Variants in MAML2 observed in about 807,000 individuals in gnomAD.
The protein encoded by MAML2 is mastermind-like protein 2.
Under a neutral mutation model 96.1 loss-of-function variants are expected in MAML2, and 22 were observed. The ratio of observed to expected loss-of-function variants is 0.23; its 90% CI spans 0.16 to 0.33. The LOEUF (loss-of-function observed/expected upper bound fraction) is 0.33, where lower values mean the gene tolerates loss of function less well. Among genes scored for constraint, MAML2 ranks in the 10% least tolerant of loss-of-function variants. The pLI is 1.00. For missense variants in MAML2, 1,367 were observed against 1,392.4 expected, an observed-to-expected ratio of 0.98 and a Z score of 0.29; for synonymous variants, 561 against 521.3, an observed-to-expected ratio of 1.08 and a Z score of -1.04.
intron 1 of MAML2, among the ~76,000 whole-genome samples, chr11:96,159,822 A>T (rs1197527674): frequency 6.6e-6 from 1 of 152,134 alleles, no homozygotes; most frequent in Non-Finnish European, 1.5e-5. Context: ...AGGGCCTGGA[A>T]ATTTGCATTG....
In MAML2 at chr11:96,316,462, T is replaced by C. The variant is rs567726221; in HGVS notation, c.513+24921A>G. Among the ~76,000 whole-genome samples, 58 of 152,074 alleles carry C rather than the reference T, an allele frequency of 3.8e-4. No individual in the cohort carries two copies. In the South Asian group the frequency reaches 0.011, roughly 28 times the overall value. On this transcript the variant is annotated intron_variant, in intron 1 of 4. Transcript: ENST00000524717. The stretch of plus-strand genomic sequence containing the variant: ...CTTTAGGAGGGATGTTCAATAAGGC[T>C]ACCATTCATGTTGAGATCTAAAAAT...
chr11:96,085,551 A>G (rs1169689509), intron 2 of MAML2, among the ~76,000 whole-genome samples: 1 of 152,252 alleles, frequency 6.6e-6, no homozygotes, highest in Non-Finnish European at 1.5e-5. Context: ...TGCACATTAC[A>G]GTTAAATATC....
chr11:96,025,636 C>T (rs12801124), intron 2 of MAML2, among the ~76,000 whole-genome samples: 36,449 of 152,184 alleles, frequency 0.24, 5,063 homozygotes, highest in Non-Finnish European at 0.32. Flanking sequence ...TCACTGCAAC[C>T]TCCACCTCCC....
At chr11:96,299,554 C>T (rs2135997370) in intron 1 of MAML2, among the ~76,000 whole-genome samples, 1 of 152,174 alleles carries the variant, frequency 6.6e-6, no homozygotes, top group East Asian at 1.9e-4. Flanking sequence ...CGCCCTCAGA[C>T]AAAAGGGAGG....
At chr11:96,065,447 A>G (rs921912870) in intron 2 of MAML2, among the ~76,000 whole-genome samples, 1 of 151,948 alleles carries the variant, frequency 6.6e-6, no homozygotes, top group Non-Finnish European at 1.5e-5. Flanking sequence ...ACACACAGGA[A>G]AGAAAATAGA....
intron 2 of MAML2, among the ~76,000 whole-genome samples, chr11:96,084,818 C>T (rs1682128307): frequency 6.6e-6 from 1 of 152,172 alleles, no homozygotes. Context: ...AAGCAGGACC[C>T]AGTAAGCTCC....
chr11:96,106,875 C>A (rs558232025), intron 1 of MAML2, among the ~76,000 whole-genome samples: 1 of 151,754 alleles, frequency 6.6e-6, no homozygotes, highest in Non-Finnish European at 1.5e-5. Flanking sequence ...ATCTTGTATC[C>A]ACTCGTTAGA....
chr11:96,077,592 C>G (rs943692238), intron 2 of MAML2, among the ~76,000 whole-genome samples: 1 of 152,122 alleles, frequency 6.6e-6, no homozygotes, highest in African/African-American at 2.4e-5. Flanking sequence ...ATATGTGGGT[C>G]GAAACTTTAT....
At chr11:96,223,103 A>G (rs2135948299) in intron 1 of MAML2, among the ~76,000 whole-genome samples, 1 of 152,302 alleles carries the variant, frequency 6.6e-6, no homozygotes, top group Admixed American at 6.5e-5. Flanking sequence ...ATACTTTAGA[A>G]TCTAATATTT....
chr11:96,181,407 T>C (rs1861483407), intron 1 of MAML2, among the ~76,000 whole-genome samples: 1 of 152,194 alleles, frequency 6.6e-6, no homozygotes, highest in Non-Finnish European at 1.5e-5. Context: ...GACTATTTTT[T>C]TCTCCTTCAC....
rs372066518 is a variant in MAML2 at position 96,092,334 on chromosome 11, T to C, written c.1697A>G (p.Gln566Arg). 1 of 1,608,142 alleles carries C rather than the reference T, an allele frequency of 6.2e-7. No homozygotes were observed. Among genetic ancestry groups the C allele is most frequent in the African/African-American group, 1.3e-5 (1 of 74,852 alleles). ...TKPLFHFNSD[Q>R]ANQQMPSVLP... ...AACAGAAGGCATCTGCTGGTTCGCTTGATCTGAGTTAAAATGAAACAAAGG... is the reference window on the plus strand; with the variant it reads ...AACAGAAGGCATCTGCTGGTTCGCTCGATCTGAGTTAAAATGAAACAAAGG... Residue 566 changes from glutamine (Q) to arginine (R), a missense_variant, in exon 2 of 5, where the codon CAA becomes CGA. Transcript: ENST00000524717. The surrounding 1 kb of genome is among the most constrained non-coding windows in gnomAD (Gnocchi z 4.1).
intron 1 of MAML2, among the ~76,000 whole-genome samples, chr11:96,204,879 T>C (rs1477767709): frequency 1.3e-5 from 2 of 152,224 alleles, no homozygotes; most frequent in African/African-American, 2.4e-5. Context: ...CCTCTCATCA[T>C]TGCTCTACTA....
At chr11:96,334,538 T>C (rs1465074797) in intron 1 of MAML2, among the ~76,000 whole-genome samples, 2 of 152,212 alleles carry the variant, frequency 1.3e-5, no homozygotes, top group Non-Finnish European at 2.9e-5. Context: ...TTAACTGCTA[T>C]GCTTCTTTGC....
At chr11:96,328,566 G>A (rs1397043592) in intron 1 of MAML2, among the ~76,000 whole-genome samples, 1 of 152,106 alleles carries the variant, frequency 6.6e-6, no homozygotes, top group Non-Finnish European at 1.5e-5. Context: ...GATCGTACGA[G>A]TCATAAAGAA....
At chr11:96,043,269 G>T (rs1189376446) in intron 2 of MAML2, among the ~76,000 whole-genome samples, 2 of 152,312 alleles carry the variant, frequency 1.3e-5, no homozygotes, top group East Asian at 1.9e-4. Flanking sequence ...AGCAAAATTT[G>T]CTTCCTGTCC....
Position 96,126,394 on chromosome 11 carries a change from C to A in MAML2, c.514-32877G>T, listed in dbSNP as rs143383437. 3.5e-3 allele frequency among the ~76,000 whole-genome samples: 530 copies of A among 152,170 alleles called. 3 individuals are homozygous for A. Among genetic ancestry groups the A allele is most frequent in the African/African-American group, 0.012 (510 of 41,496 alleles). ...CCAATATGGTGAAACCCTGTCTCTA[C>A]TGAAAATACAAAAATTAGCCAGGTG... On this transcript the variant is annotated intron_variant, in intron 1 of 4. Transcript: ENST00000524717.
intron 1 of MAML2, among the ~76,000 whole-genome samples, chr11:96,121,391 A>G (rs1001095502): frequency 2.0e-5 from 3 of 152,230 alleles, no homozygotes; most frequent in African/African-American, 7.2e-5. Flanking sequence ...ACAAGGAGAC[A>G]TGATTCCCCA....
At chr11:96,018,779 G>A (rs1325932863) in intron 2 of MAML2, among the ~76,000 whole-genome samples, 1 of 152,092 alleles carries the variant, frequency 6.6e-6, no homozygotes, top group Non-Finnish European at 1.5e-5. Flanking sequence ...AGTAGAGATG[G>A]GGTTTCACCA....
intron 1 of MAML2, among the ~76,000 whole-genome samples, chr11:96,125,555 G>A (rs1413302258): frequency 2.0e-5 from 3 of 152,186 alleles, no homozygotes; most frequent in African/African-American, 4.8e-5. Context: ...GTTCTGCAGT[G>A]TGTGTGCTGG....
Sources: allele counts gnomAD v4.1 joint callset (sites outside exome capture counted in the v4.1 genomes callset), GRCh38; gene constraint gnomAD v4.1.1; non-coding constraint Gnocchi (gnomAD v3.1); transcripts MANE v1.5; gene names NCBI Gene and HGNC (gene_info 2026-07-23, HGNC 2026-07-21).